Variants in PTH observed in about 807,000 individuals in gnomAD.
PTH encodes the protein parathormone.
PTH carries 7 observed loss-of-function variants against 7.4 expected under a neutral mutation model. That is an observed-to-expected ratio of 0.94 (90% CI 0.53 to 1.77). The LOEUF is 1.77. Among genes scored for constraint, PTH ranks in the 40% most tolerant of loss-of-function variants. PTH has a pLI of 0.00. For missense variants in PTH, 128 were observed against 137.1 expected, an observed-to-expected ratio of 0.93 and a Z score of 0.33; for synonymous variants, 51 against 46.6, an observed-to-expected ratio of 1.09 and a Z score of -0.39.
In PTH at chr11:13,492,653, T is replaced by C. The variant is rs767865413; in HGVS notation, c.100A>G (p.Ser34Gly). 6.2e-7 allele frequency: 1 copy of C among 1,614,108 alleles called. No homozygotes were observed. The highest frequency in any genetic ancestry group is 8.5e-7 in the Non-Finnish European group (1 of 1,180,014). ...DGKSVKKRSV[S>G]EIQLMHNLGK... ...AGGTTATGCATAAGCTGTATTTCAC[T>C]CACAGATCTCTTCCTGGGAAGAAGA... The change falls in exon 3 of 3, where the codon AGT (serine) becomes GGT (glycine). Residue 34 changes from serine (S) to glycine (G), a missense_variant. Transcript: ENST00000282091.
Position 13,492,828 on chromosome 11 carries a change from C to T in PTH, c.28G>A (p.Val10Ile). 6.2e-7 allele frequency: 1 copy of T among 1,613,946 alleles called. No individual in the cohort carries two copies. ...CAAATTGCCAACATGACAATCATAA[C>T]TTTAGCCATGTCTTTTGCAGGTATC... MIPAKDMAKVMIVMLAICFL... is the reference protein window; with the variant it reads MIPAKDMAKIMIVMLAICFL... Residue 10 changes from valine (V) to isoleucine (I), a missense_variant, in exon 2 of 3, where the codon GTT (valine) becomes ATT (isoleucine). Transcript: ENST00000282091.
Position 13,492,880 on chromosome 11 carries a change from G to A in PTH, c.-5-20C>T, listed in dbSNP as rs1847493912. 1 of 1,585,324 alleles carries A rather than the reference G, an allele frequency of 6.3e-7. No homozygotes were observed. Among genetic ancestry groups the A allele is most frequent in the Admixed American group, 1.7e-5 (1 of 59,602 alleles). On this transcript the variant is annotated intron_variant, in intron 1 of 2. Coordinates refer to ENST00000282091, the MANE Select transcript of PTH (RefSeq NM_000315.4). Reference sequence around the variant, plus strand: ...TCTTCACTAAAAGGACAAGCAAAATGGAGGTATTTTAAAATATTTTTAATA... The same window carrying A: ...TCTTCACTAAAAGGACAAGCAAAATAGAGGTATTTTAAAATATTTTTAATA...
In PTH at chr11:13,492,505, CGGGGCCTCT is replaced by C; in HGVS notation, c.239_247del (p.Gln80_Pro82del). On this transcript the variant is annotated inframe_deletion, in exon 3 of 3. Transcript: ENST00000282091. ...AACCAAGACATTGTCTTCCTTTTTT[CGGGGCCTCT>C]GGGAACCAGCATCTCTGGGAGCTAG... 6.2e-7 allele frequency: 1 copy of C among 1,613,996 alleles called. No homozygotes were observed. The highest frequency in any genetic ancestry group is 8.5e-7 in the Non-Finnish European group (1 of 1,179,978).
At chr11:13,493,436 T>G (rs956456068) in intron 1 of PTH, among the ~76,000 whole-genome samples, 3 of 152,152 alleles carry the variant, frequency 2.0e-5, no homozygotes, top group African/African-American at 7.2e-5. Context: ...CACTCAAACA[T>G]CAAGGCAATG....
In PTH at chr11:13,492,293, G is replaced by T; in HGVS notation, c.*112C>A. The T allele has an allele frequency of 7.4e-7, 1 of 1,348,628 alleles. No individual in the cohort carries two copies. The highest frequency in any genetic ancestry group is 1.0e-6 in the Non-Finnish European group (1 of 966,430). 83.5% of individuals were successfully genotyped at this position (1,348,628 alleles called of 1,614,324 possible). On this transcript the variant is annotated 3_prime_UTR_variant, in exon 3 of 3. Coordinates refer to ENST00000282091, the MANE Select transcript of PTH (RefSeq NM_000315.4). ...GCTAGTGATGGATTACATGTAGTTTGTTATATCAGAAATATTGGCACTTGG... is the reference window on the plus strand; with the variant it reads ...GCTAGTGATGGATTACATGTAGTTTTTTATATCAGAAATATTGGCACTTGG...
At chr11:13,495,323 G>A (rs1176000174) in intron 1 of PTH, among the ~76,000 whole-genome samples, 1 of 152,126 alleles carries the variant, frequency 6.6e-6, no homozygotes, top group African/African-American at 2.4e-5. Flanking sequence ...ACATAGAGTA[G>A]TTATGTACTC....
chr11:13,494,007 C>T (rs1363202305), intron 1 of PTH, among the ~76,000 whole-genome samples: 6 of 152,118 alleles, frequency 3.9e-5, no homozygotes, highest in Non-Finnish European at 7.3e-5. Context: ...ATTATTTCCT[C>T]ATTCACTCAT....
At chr11:13,494,568 C>G (rs886682282) in intron 1 of PTH, among the ~76,000 whole-genome samples, 7 of 152,164 alleles carry the variant, frequency 4.6e-5, no homozygotes, top group Non-Finnish European at 8.8e-5. Flanking sequence ...AAAAGGGTCT[C>G]TAGCTTTTTA....
At chr11:13,493,908 T>G (rs565887586) in intron 1 of PTH, among the ~76,000 whole-genome samples, 2 of 152,316 alleles carry the variant, frequency 1.3e-5, no homozygotes, top group African/African-American at 4.8e-5. Flanking sequence ...GTAGATAAAG[T>G]CTATCCTAGT....
chr11:13,494,104 C>T (rs987663375), intron 1 of PTH, among the ~76,000 whole-genome samples: 16 of 151,776 alleles, frequency 1.1e-4, no homozygotes, highest in African/African-American at 2.9e-4. Flanking sequence ...CTTCTCATTG[C>T]TAAGCTCACT....
chr11:13,492,822 T>A lies in PTH; in HGVS notation c.34A>T (p.Ile12Phe). The change falls in exon 2 of 3, where the codon ATT becomes TTT. Residue 12 changes from isoleucine to phenylalanine, a missense_variant. By Grantham distance (21) the Ile-to-Phe change is conservative. Coordinates refer to ENST00000282091, the MANE Select transcript of PTH (RefSeq NM_000315.4). ...AGAAAACAAATTGCCAACATGACAA[T>A]CATAACTTTAGCCATGTCTTTTGCA... ...IPAKDMAKVM[I>F]VMLAICFLTK... is the part of the protein sequence containing the mutation. The A allele has an allele frequency of 6.2e-7, 1 of 1,613,954 alleles. No individual in the cohort carries two copies. Among genetic ancestry groups the A allele is most frequent in the Non-Finnish European group, 8.5e-7 (1 of 1,179,964 alleles).
rs1212343914 is a variant in PTH, at chr11:13,495,992, G to C, written c.-87C>G. On this transcript the variant is annotated 5_prime_UTR_variant, in exon 1 of 3. Transcript: ENST00000282091. ...TAAACTAAAGACAACTGATGAATTG[G>C]ACTGCAGACCCCTTAAATGGTGACT... is the stretch of plus-strand genomic sequence containing the variant. The C allele has an allele frequency of 2.0e-5, 3 of 152,092 alleles. No homozygotes were observed. The highest frequency in any genetic ancestry group is 4.4e-5 in the Non-Finnish European group (3 of 68,012). 9.4% of individuals were successfully genotyped at this position (152,092 alleles called of 1,614,324 possible).
intron 1 of PTH, 36 bp from the exon 2 acceptor site, chr11:13,492,896 A>G: frequency 1.3e-6 from 2 of 1,547,342 alleles, no homozygotes; most frequent in Non-Finnish European, 1.8e-6. Flanking sequence ...ATTTTAAAAT[A>G]TTTTTAATAT....
Position 13,492,406 on chromosome 11 carries a change from C to T in PTH, c.347G>A (p.Ter116=), listed in dbSNP as rs758582203. Residue 116 remains the stop codon, a stop_retained_variant, in exon 3 of 3, where the codon TGA becomes TAA. Transcript: ENST00000282091. ...VNVLTKAKSQ[*] ...CTCTGACAATATCTGTTTTCATTTT[C>T]ACTGGGATTTAGCTTTAGTTAATAC... 6.2e-7 allele frequency: 1 copy of T among 1,612,006 alleles called. No homozygotes were observed. The highest frequency in any genetic ancestry group is 8.5e-7 in the Non-Finnish European group (1 of 1,179,976).
At chr11:13,495,019 A>G (rs1847522658) in intron 1 of PTH, among the ~76,000 whole-genome samples, 1 of 152,192 alleles carries the variant, frequency 6.6e-6, no homozygotes, top group Non-Finnish European at 1.5e-5. Context: ...ATTTTCACTA[A>G]ATTAATTCAC....
At chr11:13,496,030 T>A (rs1847531386), upstream of PTH, 1 of 152,068 alleles carries the variant, frequency 6.6e-6, no homozygotes, top group Non-Finnish European at 1.5e-5. Flanking sequence ...TATATATAGG[T>A]CTTCTGCTTA....
intron 1 of PTH, among the ~76,000 whole-genome samples, chr11:13,494,864 G>T (rs1847521440): frequency 6.6e-6 from 1 of 152,148 alleles, no homozygotes; most frequent in South Asian, 2.1e-4. Context: ...ATACCTAAAT[G>T]TTTATAACTT....
chr11:13,493,983 AC>A (rs1472964261), intron 1 of PTH, among the ~76,000 whole-genome samples: 2 of 152,046 alleles, frequency 1.3e-5, no homozygotes, highest in Non-Finnish European at 2.9e-5. Context: ...ATTGTCACTG[AC>A]CTTTTTTATG....
rs1847530475 is a variant in PTH at position 13,495,943 on chromosome 11, G to C, written c.-38C>G. On this transcript the variant is annotated 5_prime_UTR_variant, in exon 1 of 3. Transcript: ENST00000282091. ...TGTCTTAGAACAAGATCTTCGTTCA[G>C]GTATGTTAGTAGCTGATGCTGAGTA... The C allele has an allele frequency of 6.6e-6, 1 of 152,084 alleles. No homozygotes were observed. The highest frequency in any genetic ancestry group is 1.5e-5 in the Non-Finnish European group (1 of 68,008). The allele number at this position is 152,084 out of a possible 1,614,324, so 9.4% of individuals were successfully genotyped here. A position where few individuals can be genotyped will look rare whatever the true frequency, so the allele number is the denominator to read the frequency against.
Sources: gnomAD v4.1 joint callset for allele counts (sites outside exome capture counted in the v4.1 genomes callset) on GRCh38, gnomAD v4.1.1 for gene constraint, MANE v1.5 for transcripts, NCBI Gene and HGNC (gene_info 2026-07-23, HGNC 2026-07-21) for gene names.